ZC3H4: variants seen among roughly 807,000 people sequenced by gnomAD.
The protein encoded by ZC3H4 is zinc finger CCCH-type containing 4, also known as zinc finger CCCH domain-containing protein 4.
In ZC3H4, 13 loss-of-function variants were observed where a neutral mutation model predicts 108.3. That is an observed-to-expected ratio of 0.12 (90% CI 0.08 to 0.19). The LOEUF is 0.19. Among genes scored for constraint, ZC3H4 ranks in the 10% least tolerant of loss-of-function variants. The pLI is 1.00. For missense variants in ZC3H4, 1,734 were observed against 1,838.8 expected, an observed-to-expected ratio of 0.94 and a Z score of 1.04; for synonymous variants, 917 against 749.6, an observed-to-expected ratio of 1.22 and a Z score of -3.65.
Position 47,112,277 on chromosome 19 carries a change from C to A in ZC3H4, c.161+147G>T, listed in dbSNP as rs374926307. On this transcript the variant is annotated intron_variant, in intron 2 of 14. Coordinates refer to ENST00000253048, the MANE Select transcript of ZC3H4 (RefSeq NM_015168.2). ...GAGAAAGAGCGAGCGAGCAAGCGAT[C>A]GAGAGACACCCACCGACCCCGCCCT... 3.0e-5 allele frequency: 34 copies of A among 1,121,622 alleles called. No homozygotes were observed. In the East Asian group the frequency reaches 4.5e-4, roughly 15 times the overall value. The allele number at this position is 1,121,622 out of a possible 1,614,324, so 69.5% of individuals were successfully genotyped here.
intron 4 of ZC3H4, among the ~76,000 whole-genome samples, chr19:47,092,882 C>T (rs953729809): frequency 2.0e-5 from 3 of 151,334 alleles, no homozygotes; most frequent in South Asian, 2.1e-4. Flanking sequence ...CATCCAAACC[C>T]GGACACCCAC....
chr19:47,112,174 A>T (rs2058047563), intron 2 of ZC3H4: 4 of 1,168,738 alleles, frequency 3.4e-6, no homozygotes, highest in Non-Finnish European at 4.2e-6. Context: ...CGCCCAAAAA[A>T]GACAGAGCGA....
chr19:47,096,888 G>A, intron 2 of ZC3H4: 3 of 985,378 alleles, frequency 3.0e-6, no homozygotes, highest in Non-Finnish European at 3.6e-6. Context: ...GGAGTGGGTG[G>A]CAGCCTCAGC....
Position 47,067,643 on chromosome 19 carries a change from C to T in ZC3H4, c.2625G>A (p.Glu875=), listed in dbSNP as rs1364563044. The part of the protein sequence containing the change: ...SRDPRLTRHV[E]ASGGSGPGDS... ...CACCTGGGCCAGACCCGCCAGAAGC[C>T]TCCACATGGCGGGTGAGTCTGGGGT... is the stretch of plus-strand genomic sequence containing the variant. The change falls in exon 15 of 15, where the codon GAG becomes GAA. Residue 875 remains glutamate, a synonymous_variant. Coordinates refer to ENST00000253048, the MANE Select transcript of ZC3H4 (RefSeq NM_015168.2). This position sits in a 1 kb window ranked among gnomAD's most constrained non-coding sequence, Gnocchi z 6.4. The T allele has an allele frequency of 6.2e-7, 1 of 1,604,848 alleles. No homozygotes were observed. The highest frequency in any genetic ancestry group is 1.7e-5 in the Admixed American group (1 of 59,146).
Position 47,066,600 on chromosome 19 carries a change from G to A in ZC3H4, c.3668C>T (p.Pro1223Leu), listed in dbSNP as rs775328340. The A allele has an allele frequency of 1.4e-5, 22 of 1,604,872 alleles. No homozygotes were observed. The East Asian group carries it at 4.3e-4, about 31-fold the overall frequency. ...DRYNSYNRPRPKAAAAPAATT... is the reference protein window; with the variant it reads ...DRYNSYNRPRLKAAAAPAATT... ...GGCAGCGGGGGCTGCAGCAGCCTTG[G>A]GCCGGGGCCGGTTGTAGCTGTTGTA... The change falls in exon 15 of 15, where the codon CCC (proline) becomes CTC (leucine). Residue 1223 changes from proline to leucine, a missense_variant. By Grantham distance (98) the Pro-to-Leu change is moderately conservative. This residue lies in a region of ZC3H4 where 518 missense variants were observed against 499.6 expected (regional missense o/e 1.04). Transcript: ENST00000253048.
chr19:47,092,182 G>C (rs1393374150), intron 4 of ZC3H4, among the ~76,000 whole-genome samples: 1 of 152,012 alleles, frequency 6.6e-6, no homozygotes, highest in Non-Finnish European at 1.5e-5. Context: ...TCCAGCCTGG[G>C]CAACAGAGTG....
chr19:47,113,727 T>C lies in ZC3H4; in HGVS notation c.-13A>G, dbSNP rs943191809. The C allele has an allele frequency of 9.3e-5, 14 of 150,918 alleles. No individual in the cohort carries two copies. Among genetic ancestry groups the C allele is most frequent in the African/African-American group, 2.9e-4 (12 of 41,088 alleles). The allele number at this position is 150,918 out of a possible 1,614,324, so 9.3% of individuals were successfully genotyped here. ...AGGGAAAAAAAAAATAACCGAAAGC[T>C]GGAGGCCAGGTGCCGAGAGTCGGAG... On this transcript the variant is annotated 5_prime_UTR_variant, in exon 1 of 15. Coordinates refer to ENST00000253048, the MANE Select transcript of ZC3H4 (RefSeq NM_015168.2).
chr19:47,104,158 A>G (rs1341256323), intron 2 of ZC3H4, among the ~76,000 whole-genome samples: 1 of 151,664 alleles, frequency 6.6e-6, no homozygotes, highest in East Asian at 2.0e-4. Flanking sequence ...ATCTCTACTA[A>G]AAACACAAAA....
chr19:47,088,002 T>C (rs2057662347), intron 5 of ZC3H4, among the ~76,000 whole-genome samples: 1 of 150,500 alleles, frequency 6.6e-6, no homozygotes, highest in South Asian at 2.1e-4. Context: ...TGAAACCTCA[T>C]CTCTACTAAA....
intron 2 of ZC3H4, among the ~76,000 whole-genome samples, chr19:47,108,818 G>A (rs986574179): frequency 2.0e-5 from 3 of 152,090 alleles, no homozygotes; most frequent in African/African-American, 7.2e-5. Flanking sequence ...CTGGGGGAGA[G>A]GACAGGCCAT....
chr19:47,073,061 C>A (rs140686638), intron 11 of ZC3H4, among the ~76,000 whole-genome samples: 422 of 152,084 alleles, frequency 2.8e-3, no homozygotes, highest in Non-Finnish European at 4.5e-3. Flanking sequence ...TCACTTGAGG[C>A]CAGGAGTTCA....
chr19:47,069,337 T>C lies in ZC3H4; in HGVS notation c.2153A>G (p.Tyr718Cys). ...EPGLLGDAED[Y>C]GHYEELPGEP... ...CCCTGGCAGCTCTTCGTAGTGCCCG[T>C]AGTCCTCTGTGGCAGGGAAGAACCG... The change falls in exon 14 of 15, where the codon TAC (tyrosine) becomes TGC (cysteine). Residue 718 changes from tyrosine (Y) to cysteine (C), a missense_variant. Transcript: ENST00000253048. 1 of 1,612,702 alleles carries C rather than the reference T, an allele frequency of 6.2e-7. No individual in the cohort carries two copies.
At chr19:47,069,496 G>C (rs2057288190) in intron 13 of ZC3H4, among the ~76,000 whole-genome samples, 153 bp from the exon 14 acceptor site, 1 of 152,228 alleles carries the variant, frequency 6.6e-6, no homozygotes, top group Non-Finnish European at 1.5e-5. Context: ...CAGGGGAACA[G>C]AGCGGCCCAT....
chr19:47,069,576 G>A (rs1300486726), intron 13 of ZC3H4, among the ~76,000 whole-genome samples: 1 of 152,210 alleles, frequency 6.6e-6, no homozygotes, highest in African/African-American at 2.4e-5. Flanking sequence ...ACGCTTATGA[G>A]GTGGAAACAG....
At chr19:47,091,151 A>T (rs2057725161) in intron 4 of ZC3H4, among the ~76,000 whole-genome samples, 1 of 152,218 alleles carries the variant, frequency 6.6e-6, no homozygotes, top group African/African-American at 2.4e-5. Context: ...AGGCACCTGT[A>T]ATCCCAGCTA....
chr19:47,104,208 A>G (rs1039307626), intron 2 of ZC3H4, among the ~76,000 whole-genome samples: 1 of 151,820 alleles, frequency 6.6e-6, no homozygotes, highest in African/African-American at 2.4e-5. Flanking sequence ...AATCCCAACT[A>G]CTCAGGAGGC....
intron 11 of ZC3H4, among the ~76,000 whole-genome samples, chr19:47,079,815 A>G (rs962349343): frequency 6.6e-6 from 1 of 152,176 alleles, no homozygotes; most frequent in African/African-American, 2.4e-5. Flanking sequence ...TGAACCCAGG[A>G]GGTAGAGGTT....
At chr19:47,089,909 G>A (rs991999022) in intron 5 of ZC3H4, 58 bp downstream of exon 5, 53 of 1,576,294 alleles carry the variant, frequency 3.4e-5, no homozygotes, top group East Asian at 3.4e-4. Context: ...CCAGGCCACC[G>A]GGGTTGGCCC....
At chr19:47,110,228 G>C (rs149011508) in intron 2 of ZC3H4, among the ~76,000 whole-genome samples, 2,788 of 152,172 alleles carry the variant, frequency 0.018, 31 homozygotes, top group Non-Finnish European at 0.029. Context: ...GGGGGGAGGG[G>C]AACCATTAAT....
Sources: gnomAD v4.1 joint callset for allele counts (sites outside exome capture counted in the v4.1 genomes callset) on GRCh38, gnomAD v4.1.1 for gene constraint, gnomAD v4.1.1 regional missense constraint, Gnocchi (gnomAD v3.1) non-coding constraint, MANE v1.5 for transcripts, NCBI Gene and HGNC (gene_info 2026-07-23, HGNC 2026-07-21) for gene names.